The following CYP4X1 variants were observed in gnomAD, a reference collection of about 807,000 sequenced individuals.
CYP4X1 encodes the protein cytochrome P450 4X1.
In CYP4X1, 44 loss-of-function variants were observed where a neutral mutation model predicts 57.9. The observed-to-expected ratio is 0.76, with a 90% confidence interval of 0.60 to 0.98. CYP4X1 has a LOEUF of 0.98. CYP4X1 is among the 50% of genes least tolerant of loss of function. The probability of loss-of-function intolerance (pLI) is 0.00; values close to 1 mark genes in which losing one functional copy is unlikely to be tolerated. For synonymous variants in CYP4X1, 227 were observed against 228.6 expected (o/e 0.99, Z 0.06); for missense variants, 532 against 623.9 (o/e 0.85, Z 1.57).
chr1:47,048,622 ACC>A lies in CYP4X1; in HGVS notation c.1267_1268del (p.Pro423LysfsTer4). 6.2e-7 allele frequency: 1 copy of A among 1,611,600 alleles called. No individual in the cohort carries two copies. The highest frequency in any genetic ancestry group is 1.1e-5 in the South Asian group (1 of 90,458). Reference sequence around the variant, plus strand: ...CACCACAACCCTGCTGTCTGGAAAAACCCAAAGGTATGATTCTCTCTTGTACA... The same window carrying A: ...CACCACAACCCTGCTGTCTGGAAAAACAAAGGTATGATTCTCTCTTGTACA... On this transcript the variant is annotated frameshift_variant, in exon 10 of 12. Coordinates refer to ENST00000371901, the MANE Select transcript of CYP4X1 (RefSeq NM_178033.2). LOFTEE classifies it high-confidence loss of function.
chr1:47,053,323 G>A (rs1644371242), downstream of CYP4X1, among the ~76,000 whole-genome samples: 1 of 152,112 alleles, frequency 6.6e-6, no homozygotes, highest in South Asian at 2.1e-4. Flanking sequence ...ATCATTGTTG[G>A]ACATTTGGAT....
chr1:46,991,919 G>GA, the CYP4X1 span, among the ~76,000 whole-genome samples: 1 of 152,158 alleles, frequency 6.6e-6, no homozygotes, highest in African/African-American at 2.4e-5. Context: ...AAAATGAAAT[G>GA]AGCTGGCTTT....
chr1:47,035,095 G>A (rs1004572027), intron 4 of CYP4X1, among the ~76,000 whole-genome samples: 1 of 149,764 alleles, frequency 6.7e-6, no homozygotes, highest in African/African-American at 2.4e-5. Flanking sequence ...TAAGCTAGGG[G>A]CTAGGTGCTT....
the CYP4X1 span, among the ~76,000 whole-genome samples, chr1:47,014,281 A>G: frequency 1.9e-4 from 29 of 152,206 alleles, no homozygotes; most frequent in Non-Finnish European, 4.4e-5. Flanking sequence ...GTGAAACTCT[A>G]CATCTGCCCC....
At position 47,038,696 on chromosome 1, in the gene CYP4X1, C is replaced by A. The variant is rs1644212298; in HGVS notation, c.812C>A (p.Ala271Asp). 6.2e-7 allele frequency: 1 copy of A among 1,609,864 alleles called. No individual in the cohort carries two copies. The highest frequency in any genetic ancestry group is 1.3e-5 in the African/African-American group (1 of 74,608). ...CAGGAAAGAAAGAAATCCCTCCAGGCTGGGGTAAAGCAGGATAACACTCCG... is the reference window on the plus strand; with the variant it reads ...CAGGAAAGAAAGAAATCCCTCCAGGATGGGGTAAAGCAGGATAACACTCCG... Reference protein sequence around the residue: ...IIQERKKSLQAGVKQDNTPKR... With the variant: ...IIQERKKSLQDGVKQDNTPKR... The change falls in exon 7 of 12, where the codon GCT becomes GAT. Residue 271 changes from alanine (A) to aspartate (D), a missense_variant. Ala to Asp is a moderately radical substitution (Grantham distance 126, BLOSUM62 -2). Transcript: ENST00000371901.
At chr1:47,036,523 A>G (rs563555214) in intron 6 of CYP4X1, among the ~76,000 whole-genome samples, 1 of 152,126 alleles carries the variant, frequency 6.6e-6, no homozygotes, top group East Asian at 1.9e-4. Flanking sequence ...TTCATGCAAC[A>G]TAGGAATGGA....
At chr1:46,996,270 G>A in the CYP4X1 span, among the ~76,000 whole-genome samples, 16 of 152,192 alleles carry the variant, frequency 1.1e-4, no homozygotes, top group Admixed American at 1.0e-3. Flanking sequence ...AGGCAGTCTG[G>A]CTCAGGAGAC....
the CYP4X1 span, among the ~76,000 whole-genome samples, chr1:46,990,296 A>G: frequency 1.3e-5 from 2 of 152,238 alleles, no homozygotes; most frequent in African/African-American, 4.8e-5. Context: ...AACATATGAA[A>G]AAAAGCTCAT....
At chr1:47,049,565 C>T (rs933182426) in intron 11 of CYP4X1, 61 bp downstream of exon 11, 2 of 1,390,526 alleles carry the variant, frequency 1.4e-6, no homozygotes, top group Non-Finnish European at 2.0e-6. Context: ...GTAGTTTATT[C>T]CTTTCAGCTC....
intron 8 of CYP4X1, among the ~76,000 whole-genome samples, chr1:47,045,092 TG>T (rs1374796181): frequency 4.6e-5 from 7 of 152,170 alleles, no homozygotes; most frequent in African/African-American, 1.7e-4. Flanking sequence ...CCCAAAGTGC[TG>T]GGATTGCAGG....
the CYP4X1 span, among the ~76,000 whole-genome samples, chr1:47,009,066 A>C: frequency 6.6e-6 from 1 of 152,216 alleles, no homozygotes; most frequent in Non-Finnish European, 1.5e-5. Flanking sequence ...CACCAAGTGG[A>C]TCTAATAGAC....
chr1:46,999,024 CTTTGTGTGTG>C, the CYP4X1 span, among the ~76,000 whole-genome samples: 1 of 76,686 alleles, frequency 1.3e-5, no homozygotes, highest in African/African-American at 1.0e-4. Flanking sequence ...GGCTTGCTTT[CTTTGTGTGTG>C]TGTGTGTGTG....
the CYP4X1 span, among the ~76,000 whole-genome samples, chr1:46,990,264 G>A: frequency 6.6e-6 from 1 of 152,178 alleles, no homozygotes; most frequent in Admixed American, 6.5e-5. Context: ...TTTGTCAAAA[G>A]AAGACATTTA....
At chr1:47,040,565 C>T (rs1557608495) in intron 8 of CYP4X1, among the ~76,000 whole-genome samples, 1 of 151,904 alleles carries the variant, frequency 6.6e-6, no homozygotes, top group Non-Finnish European at 1.5e-5. Context: ...AAATAGAAGC[C>T]CTTTCCTACC....
intron 9 of CYP4X1, among the ~76,000 whole-genome samples, chr1:47,047,497 A>G (rs892697147): frequency 6.6e-6 from 1 of 152,096 alleles, no homozygotes; most frequent in African/African-American, 2.4e-5. Context: ...TTTCTCCCCA[A>G]ACCACATGGA....
rs369194547 is a variant in CYP4X1 at position 47,028,183 on chromosome 1, T to C, written c.178-1807T>C. On this transcript the variant is annotated intron_variant, in intron 1 of 11. Coordinates refer to ENST00000371901, the MANE Select transcript of CYP4X1 (RefSeq NM_178033.2). ...ATGCAAGTGTGTGTGTGTATGTGTG[T>C]GTGCATCTGCATGTGTACTTGGATG... Among the ~76,000 whole-genome samples the C allele has an allele frequency of 9.4e-4, 143 of 152,340 alleles. 1 individual carries two copies. In the South Asian group the frequency reaches 0.013, roughly 14 times the overall value.
intron 2 of CYP4X1, 92 bp from the exon 3 acceptor site, chr1:47,031,344 G>T: frequency 7.0e-7 from 1 of 1,426,784 alleles, no homozygotes. Context: ...TTTTGTGGTT[G>T]GTGCAGAAAT....
downstream of CYP4X1, among the ~76,000 whole-genome samples, chr1:47,054,110 G>T (rs2148519340): frequency 1.3e-5 from 2 of 151,688 alleles, no homozygotes; most frequent in Non-Finnish European, 2.9e-5. Flanking sequence ...GTGTAAGGAA[G>T]GGATCCAGTT....
chr1:47,026,711 T>C (rs1008953142), intron 1 of CYP4X1, among the ~76,000 whole-genome samples: 6 of 151,958 alleles, frequency 3.9e-5, no homozygotes, highest in Non-Finnish European at 8.8e-5. Context: ...TCTTTAATTT[T>C]TTTTGTTGTT....
Sources: gnomAD v4.1 joint callset for allele counts (sites outside exome capture counted in the v4.1 genomes callset) on GRCh38, gnomAD v4.1.1 for gene constraint, MANE v1.5 for transcripts, NCBI Gene and HGNC (gene_info 2026-07-23, HGNC 2026-07-21) for gene names.